Variants in BRD4 observed in about 807,000 individuals in gnomAD.
BRD4 encodes bromodomain containing 4.
A neutral mutation model predicts 142.1 loss-of-function variants in BRD4; 16 were observed. The observed-to-expected ratio is 0.11, with a 90% CI of 0.08 to 0.17. The LOEUF (loss-of-function observed/expected upper bound fraction) is 0.17, where lower values mean the gene tolerates loss of function less well. Ranked by LOEUF, BRD4 falls within the 10% of genes least tolerant of loss-of-function variation. BRD4 has a pLI of 1.00. For synonymous variants in BRD4, 833 were observed against 707.5 expected, an observed-to-expected ratio of 1.18 and a Z score of -2.82; for missense variants, 1,424 against 1,810.9, an observed-to-expected ratio of 0.79 and a Z score of 3.88.
chr19:15,239,704 G>C lies in BRD4; in HGVS notation c.3400C>G (p.Pro1134Ala), dbSNP rs1186050912. 12 of 1,595,978 alleles carry C rather than the reference G, an allele frequency of 7.5e-6. No homozygotes were observed. The highest frequency in any genetic ancestry group is 1.0e-5 in the Non-Finnish European group (12 of 1,178,074). ...PFSPSLRPEP[P>A]KHPESIKAPV... The stretch of plus-strand genomic sequence containing the variant: ...GCCTTGATGCTCTCCGGGTGCTTGG[G>C]GGGCTCCGGCCGCAGCGAGGGGCTG... The change falls in exon 16 of 20, where the codon CCC (proline) becomes GCC (alanine). Residue 1134 changes from proline (P) to alanine (A), a missense_variant. Pro to Ala is a conservative substitution (Grantham distance 27). Coordinates refer to ENST00000679869, the MANE Select transcript of BRD4 (RefSeq NM_001379291.1). This position sits in a 1 kb window ranked among gnomAD's most constrained non-coding sequence, Gnocchi z 7.4.
chr19:15,263,517 G>A lies in BRD4; in HGVS notation c.1244C>T (p.Ala415Val), dbSNP rs773668960. The stretch of plus-strand genomic sequence containing the variant: ...TCGGACGTCAGCACCAAACTCCTGA[G>A]CATCACGGTACTCACGGGCCTCCAG... ...SKLEAREYRDAQEFGADVRLM... is the reference protein window; with the variant it reads ...SKLEAREYRDVQEFGADVRLM... The change falls in exon 7 of 20, where the codon GCT becomes GTT. Residue 415 changes from alanine to valine, a missense_variant. Around this residue, in one of 16 missense-constraint regions of BRD4, gnomAD observed 26 missense variants for 20.2 expected, o/e 1.29. Transcript: ENST00000679869. 3 of 1,614,228 alleles carry A rather than the reference G, an allele frequency of 1.9e-6. No individual in the cohort carries two copies. In the South Asian group the frequency reaches 3.3e-5, roughly 18 times the overall value.
At chr19:15,282,566 C>T (rs2047713276) in intron 1 of BRD4, among the ~76,000 whole-genome samples, 1 of 152,176 alleles carries the variant, frequency 6.6e-6, no homozygotes, top group East Asian at 1.9e-4. Flanking sequence ...GTAAGTTGGC[C>T]CTTCAGGCAC....
In BRD4 at chr19:15,255,466, G is replaced by A. The variant is rs201933418; in HGVS notation, c.1878C>T (p.Pro626=). The change falls in exon 10 of 20, where the codon CCC becomes CCT. Residue 626 remains proline (P), a synonymous_variant. Coordinates refer to ENST00000679869, the MANE Select transcript of BRD4 (RefSeq NM_001379291.1). ...GCACCACGCGGCCCAGCTTCTCGCCGGGGAGCTTGTTGATGTCCAAGCTGA... is the reference window on the plus strand; with the variant it reads ...GCACCACGCGGCCCAGCTTCTCGCCAGGGAGCTTGTTGATGTCCAAGCTGA... ...RQLSLDINKL[P]GEKLGRVVHI... is the part of the protein sequence containing the mutation. 64 of 1,614,028 alleles carry A rather than the reference G, an allele frequency of 4.0e-5. No individual in the cohort carries two copies. The highest frequency in any genetic ancestry group is 6.7e-5 in the East Asian group (3 of 44,876).
At position 15,332,288 on chromosome 19, in the gene BRD4, A is replaced by C. The variant is rs1349758810; in HGVS notation, c.-35+2T>G. 1 of 145,066 alleles carries C rather than the reference A, an allele frequency of 6.9e-6. No homozygotes were observed. Among genetic ancestry groups the C allele is most frequent in the Non-Finnish European group, 1.5e-5 (1 of 65,272 alleles). The allele number at this position is 145,066 out of a possible 1,614,324, so 9.0% of individuals were successfully genotyped here. A position where few individuals can be genotyped will look rare whatever the true frequency, so the allele number is the denominator to read the frequency against. Reference sequence around the variant, plus strand: ...GCCGCCCCAAAGGGCACCAGTCCTCACCTGAGACGCTAGGCCGCACGCCGC... The same window carrying C: ...GCCGCCCCAAAGGGCACCAGTCCTCCCCTGAGACGCTAGGCCGCACGCCGC... On this transcript the variant is annotated splice_donor_variant, in intron 1 of 19. Transcript: ENST00000679869. LOFTEE classifies it low-confidence loss of function (5UTR_SPLICE).
intron 1 of BRD4, among the ~76,000 whole-genome samples, chr19:15,282,139 C>T (rs1338441675): frequency 6.6e-6 from 1 of 152,210 alleles, no homozygotes; most frequent in Non-Finnish European, 1.5e-5. Context: ...CTGTGCAGGA[C>T]AAACAGCCTG....
intron 11 of BRD4, among the ~76,000 whole-genome samples, chr19:15,245,745 C>A (rs533986816): frequency 6.6e-6 from 1 of 152,332 alleles, no homozygotes; most frequent in South Asian, 2.1e-4. Context: ...CAGTCGCCTG[C>A]CACCAGATGG....
Position 15,237,017 on chromosome 19 carries a change from TAA to T in BRD4, c.*1358_*1359del, listed in dbSNP as rs762817978. 1,185 of 116,456 alleles carry T rather than the reference TAA, an allele frequency of 0.01. No individual in the cohort carries two copies. Among genetic ancestry groups the T allele is most frequent in the East Asian group, 0.023 (205 of 8,744 alleles). 7.2% of individuals were successfully genotyped at this position (116,456 alleles called of 1,614,324 possible). A position where few individuals can be genotyped will look rare whatever the true frequency, so the allele number is the denominator to read the frequency against. On this transcript the variant is annotated 3_prime_UTR_variant, in exon 20 of 20. Coordinates refer to ENST00000679869, the MANE Select transcript of BRD4 (RefSeq NM_001379291.1). The stretch of plus-strand genomic sequence containing the variant: ...CACCAGGGGCTCCAATTATAAAAAT[TAA>T]AAAAAAAAAAAAAAAAAAGCATGGG...
intron 1 of BRD4, among the ~76,000 whole-genome samples, chr19:15,331,525 G>T (rs1241455574): frequency 6.6e-6 from 1 of 152,222 alleles, no homozygotes; most frequent in African/African-American, 2.4e-5. Context: ...CTGAGAGTGG[G>T]TGCGTCAAGC....
intron 1 of BRD4, among the ~76,000 whole-genome samples, chr19:15,332,086 G>A (rs2048166365): frequency 6.9e-6 from 1 of 145,764 alleles, no homozygotes; most frequent in Non-Finnish European, 1.5e-5. Flanking sequence ...CAACGGCGCA[G>A]GCCGCCCCGG....
chr19:15,326,731 G>C (rs558869727), intron 1 of BRD4, among the ~76,000 whole-genome samples: 1 of 152,092 alleles, frequency 6.6e-6, no homozygotes, highest in Non-Finnish European at 1.5e-5. Flanking sequence ...TCTTCAGGAC[G>C]AGGACAAGAA....
intron 1 of BRD4, among the ~76,000 whole-genome samples, chr19:15,278,393 A>C (rs898807266): frequency 6.6e-6 from 1 of 151,694 alleles, no homozygotes; most frequent in Non-Finnish European, 1.5e-5. Context: ...AAAATCAGCC[A>C]GGTATGGTGG....
intron 1 of BRD4, among the ~76,000 whole-genome samples, chr19:15,304,094 A>G (rs900550794): frequency 3.3e-5 from 5 of 152,202 alleles, no homozygotes; most frequent in Admixed American, 2.6e-4. Flanking sequence ...AGGTAAACCC[A>G]AAGTCCCTCT....
At chr19:15,258,959 G>C (rs908647451) in intron 7 of BRD4, among the ~76,000 whole-genome samples, 1 of 152,180 alleles carries the variant, frequency 6.6e-6, no homozygotes, top group African/African-American at 2.4e-5. Context: ...ACACAACAAG[G>C]GACGACCAGA....
At chr19:15,274,869 C>CTTT (rs745455535) in intron 1 of BRD4, among the ~76,000 whole-genome samples, 1 of 142,970 alleles carries the variant, frequency 7.0e-6, no homozygotes. Context: ...CTGAATTTTC[C>CTTT]TTTTTTTTTT....
rs71333363 is a variant in BRD4 at position 15,255,199 on chromosome 19, A to AGGGG, written c.2047+94_2047+97dup. On this transcript the variant is annotated intron_variant, in intron 10 of 19. Transcript: ENST00000679869. ...CAGATATTATAATTGGAAAAAAAAA[A>AGGGG]GGGGGGGGGCGCAGAAAGAGTGGAC... 9 of 1,070,120 alleles carry AGGGG rather than the reference A, an allele frequency of 8.4e-6. No individual in the cohort carries two copies. The African/African-American group carries it at 1.3e-4, about 16-fold the overall frequency. The allele number at this position is 1,070,120 out of a possible 1,614,324, so 66.3% of individuals were successfully genotyped here.
chr19:15,238,612 A>C lies in BRD4; in HGVS notation c.4020+131T>G. 6.8e-7 allele frequency: 1 copy of C among 1,467,142 alleles called. No homozygotes were observed. Among genetic ancestry groups the C allele is most frequent in the Non-Finnish European group, 9.0e-7 (1 of 1,106,280 alleles). The allele number at this position is 1,467,142 out of a possible 1,614,324, so 90.9% of individuals were successfully genotyped here. On this transcript the variant is annotated intron_variant, in intron 19 of 19. Coordinates refer to ENST00000679869, the MANE Select transcript of BRD4 (RefSeq NM_001379291.1). This position sits in a 1 kb window ranked among gnomAD's most constrained non-coding sequence, Gnocchi z 7.2. ...CTCAGGGCCCTACAGCTGAGTCCAG[A>C]GGACCACATGCCGACCAGCAGGGAC...
At chr19:15,291,982 G>A (rs2047785390) in intron 1 of BRD4, among the ~76,000 whole-genome samples, 1 of 152,190 alleles carries the variant, frequency 6.6e-6, no homozygotes, top group African/African-American at 2.4e-5. Flanking sequence ...CATTCTTACA[G>A]CCAAAAGGAT....
intron 13 of BRD4, 24 bp from the exon 14 acceptor site, chr19:15,243,511 G>T: frequency 6.5e-7 from 1 of 1,531,876 alleles, no homozygotes; most frequent in Non-Finnish European, 8.7e-7. Flanking sequence ...ACACCGAGGC[G>T]GTGAGGCCTG....
chr19:15,302,842 A>G (rs2047882139), intron 1 of BRD4, among the ~76,000 whole-genome samples: 1 of 151,300 alleles, frequency 6.6e-6, no homozygotes, highest in Non-Finnish European at 1.5e-5. Flanking sequence ...CGTCTCTACT[A>G]AAAAATACAA....
Sources: gnomAD v4.1 joint callset for allele counts (sites outside exome capture counted in the v4.1 genomes callset) on GRCh38, gnomAD v4.1.1 for gene constraint, gnomAD v4.1.1 regional missense constraint, Gnocchi (gnomAD v3.1) non-coding constraint, MANE v1.5 for transcripts, NCBI Gene and HGNC (gene_info 2026-07-23, HGNC 2026-07-21) for gene names.